The following CSMD3 variants were observed in gnomAD, a reference collection of about 807,000 sequenced individuals.
CSMD3 encodes CUB and sushi domain-containing protein 3.
A neutral mutation model predicts 435.2 loss-of-function variants in CSMD3; 177 were observed. That is an observed-to-expected ratio of 0.41 (90% CI 0.36 to 0.46). The LOEUF is 0.46. CSMD3 is among the 20% of genes least tolerant of loss of function. The probability of loss-of-function intolerance (pLI) is 0.34; values close to 1 mark genes in which losing one functional copy is unlikely to be tolerated. For missense variants in CSMD3, 4,265 were observed against 4,504.6 expected, an observed-to-expected ratio of 0.95 and a Z score of 1.52; for synonymous variants, 1,656 against 1,520.5, an observed-to-expected ratio of 1.09 and a Z score of -2.07.
chr8:113,258,189 T>C (rs2093399127), intron 3 of CSMD3, among the ~76,000 whole-genome samples: 1 of 152,216 alleles, frequency 6.6e-6, no homozygotes, highest in Admixed American at 6.5e-5. Context: ...ACACAAAACA[T>C]AATGGCCAAA....
intron 11 of CSMD3, among the ~76,000 whole-genome samples, chr8:112,838,843 A>G (rs1227102299): frequency 2.0e-5 from 3 of 151,798 alleles, no homozygotes; most frequent in Non-Finnish European, 4.4e-5. Flanking sequence ...TAGCTACTTA[A>G]AAATAAATAT....
intron 1 of CSMD3, among the ~76,000 whole-genome samples, chr8:113,410,437 C>A (rs2094552980): frequency 6.6e-6 from 1 of 152,102 alleles, no homozygotes; most frequent in Admixed American, 6.6e-5. Flanking sequence ...TTTCCTTTAA[C>A]TTTTAATGCC....
chr8:112,421,564 T>TAA (rs1463222121), intron 32 of CSMD3, among the ~76,000 whole-genome samples: 1 of 146,222 alleles, frequency 6.8e-6, no homozygotes, highest in African/African-American at 2.5e-5. Context: ...ATATATGTTA[T>TAA]ATATATGTAA....
chr8:112,346,471 A>T (rs2131026193), intron 40 of CSMD3, among the ~76,000 whole-genome samples: 1 of 152,256 alleles, frequency 6.6e-6, no homozygotes, highest in Middle Eastern at 3.4e-3. Context: ...AAAGTAACAG[A>T]TCATGTGCAG....
At chr8:112,922,528 C>A (rs1229321594) in intron 9 of CSMD3, among the ~76,000 whole-genome samples, 1 of 151,946 alleles carries the variant, frequency 6.6e-6, no homozygotes, top group African/African-American at 2.4e-5. Context: ...CCCACATCCC[C>A]CACTAACCTT....
At chr8:112,377,397 T>G (rs1039590616) in intron 38 of CSMD3, among the ~76,000 whole-genome samples, 4 of 152,118 alleles carry the variant, frequency 2.6e-5, no homozygotes, top group Non-Finnish European at 5.9e-5. Flanking sequence ...ACCAGATGGC[T>G]ACACTGGTGA....
chr8:112,697,620 G>A (rs1225847574), intron 13 of CSMD3, among the ~76,000 whole-genome samples: 2 of 151,932 alleles, frequency 1.3e-5, no homozygotes, highest in African/African-American at 4.8e-5. Context: ...GTTAGCATTA[G>A]GTGATACACC....
intron 2 of CSMD3, among the ~76,000 whole-genome samples, chr8:113,280,483 T>C (rs1441840795): frequency 6.6e-6 from 1 of 152,012 alleles, no homozygotes; most frequent in Non-Finnish European, 1.5e-5. Context: ...AACGATCTTT[T>C]GCATTTTGGT....
At chr8:112,289,308 C>T (rs2130653236) in intron 57 of CSMD3, 57 bp downstream of exon 57, 2 of 1,341,878 alleles carry the variant, frequency 1.5e-6, no homozygotes, top group South Asian at 2.3e-5. Context: ...GTTGCTACTA[C>T]TACTACTAAC....
At chr8:113,236,366 C>T (rs1421559418) in intron 3 of CSMD3, among the ~76,000 whole-genome samples, 7 of 152,290 alleles carry the variant, frequency 4.6e-5, no homozygotes, top group Non-Finnish European at 8.8e-5. Context: ...AACTTCTTTG[C>T]TTACTCTTAC....
intron 30 of CSMD3, among the ~76,000 whole-genome samples, chr8:112,498,570 CAGTT>C (rs1821608635): frequency 6.6e-6 from 1 of 152,072 alleles, no homozygotes; most frequent in Admixed American, 6.5e-5. Flanking sequence ...AAGCCATAAT[CAGTT>C]AGTACCATCT....
chr8:113,057,642 A>G (rs2088404483), intron 5 of CSMD3, among the ~76,000 whole-genome samples: 1 of 152,064 alleles, frequency 6.6e-6, no homozygotes, highest in Non-Finnish European at 1.5e-5. Flanking sequence ...TAATCATAAG[A>G]AAATTTTGTT....
intron 11 of CSMD3, among the ~76,000 whole-genome samples, chr8:112,836,002 G>A (rs1376240271): frequency 6.6e-6 from 1 of 151,752 alleles, no homozygotes; most frequent in Non-Finnish European, 1.5e-5. Flanking sequence ...AGTTTTTATG[G>A]AGTTACCCTA....
chr8:112,609,728 C>T (rs1257432876), intron 22 of CSMD3, among the ~76,000 whole-genome samples: 1 of 152,074 alleles, frequency 6.6e-6, no homozygotes, highest in Non-Finnish European at 1.5e-5. Context: ...GTAGTGTTCA[C>T]AGTTGCCAAG....
At chr8:112,692,768 T>C (rs1021745529) in intron 13 of CSMD3, among the ~76,000 whole-genome samples, 9 of 152,180 alleles carry the variant, frequency 5.9e-5, no homozygotes, top group Non-Finnish European at 1.2e-4. Flanking sequence ...CAAAAATAGG[T>C]AAGTATAGTA....
At chr8:112,374,721 A>G (rs1194060027) in intron 38 of CSMD3, among the ~76,000 whole-genome samples, 1 of 152,202 alleles carries the variant, frequency 6.6e-6, no homozygotes, top group Admixed American at 6.5e-5. Flanking sequence ...GTTAAGGCCT[A>G]TCAACACAAT....
intron 23 of CSMD3, among the ~76,000 whole-genome samples, chr8:112,583,984 A>T (rs1479130343): frequency 6.6e-6 from 1 of 151,790 alleles, no homozygotes; most frequent in South Asian, 2.1e-4. Flanking sequence ...ATTTTCTCAG[A>T]TGTTATTAAA....
At chr8:112,772,158 G>A (rs912155385) in intron 13 of CSMD3, among the ~76,000 whole-genome samples, 3 of 142,170 alleles carry the variant, frequency 2.1e-5, no homozygotes, top group African/African-American at 8.3e-5. Context: ...TTTAATAAAG[G>A]GCATTGACTA....
chr8:112,830,257 G>C (rs1170627447), intron 11 of CSMD3, among the ~76,000 whole-genome samples: 1 of 152,246 alleles, frequency 6.6e-6, no homozygotes, highest in East Asian at 1.9e-4. Context: ...CTTAAAATTT[G>C]TTAGAGCTAA....
Sources: allele counts gnomAD v4.1 joint callset (sites outside exome capture counted in the v4.1 genomes callset), GRCh38; gene constraint gnomAD v4.1.1; transcripts MANE v1.5; gene names NCBI Gene and HGNC (gene_info 2026-07-23, HGNC 2026-07-21).